Variants in KCNN2 observed in about 807,000 individuals in gnomAD.
KCNN2 encodes the protein small conductance calcium-activated potassium channel protein 2.
KCNN2 carries 24 observed loss-of-function variants against 55.5 expected under a neutral mutation model. The observed-to-expected ratio is 0.43, with a 90% CI of 0.31 to 0.61. The LOEUF (loss-of-function observed/expected upper bound fraction) is 0.61, where lower values mean the gene tolerates loss of function less well. Among genes scored for constraint, KCNN2 ranks in the 20% least tolerant of loss-of-function variants. The pLI, the probability that KCNN2 is intolerant of heterozygous loss-of-function variation, is 0.08. For synonymous variants in KCNN2, 431 were observed against 336.1 expected, an observed-to-expected ratio of 1.28 and a Z score of -3.09; for missense variants, 754 against 853.6, an observed-to-expected ratio of 0.88 and a Z score of 1.45.
rs143330186 is a variant in KCNN2 at position 114,275,632 on chromosome 5, T to C, written c.-185+54067T>C. 7.1e-3 allele frequency among the ~76,000 whole-genome samples: 1,083 copies of C among 152,336 alleles called. 25 individuals are homozygous for C. Among genetic ancestry groups the C allele is most frequent in the African/African-American group, 0.023 (975 of 41,570 alleles). ...TAGTTTATTTGCGTAGAGGTACTTA[T>C]AGTATTCTCTGATGGTAGTTTGTAT... On this transcript the variant is annotated intron_variant, in intron 2 of 10. Coordinates refer to the KCNN2 transcript ENST00000512097.
At chr5:114,410,746 A>G (rs898161116) in intron 3 of KCNN2, among the ~76,000 whole-genome samples, 11 of 152,248 alleles carry the variant, frequency 7.2e-5, no homozygotes, top group Middle Eastern at 3.4e-3. Flanking sequence ...AAACATTGTG[A>G]TAATATATAA....
chr5:114,251,490 A>G (rs868311454), intron 2 of KCNN2, among the ~76,000 whole-genome samples: 1 of 152,202 alleles, frequency 6.6e-6, no homozygotes, highest in Non-Finnish European at 1.5e-5. Flanking sequence ...AATATATAGT[A>G]TGGTCCCTGG....
chr5:114,411,773 C>T (rs1014908058), intron 3 of KCNN2, among the ~76,000 whole-genome samples: 2 of 152,186 alleles, frequency 1.3e-5, no homozygotes, highest in African/African-American at 4.8e-5. Flanking sequence ...GGATCTTCCT[C>T]ACTCAGTTCG....
chr5:114,283,635 AT>A (rs1227894752), intron 2 of KCNN2, among the ~76,000 whole-genome samples: 1 of 152,146 alleles, frequency 6.6e-6, no homozygotes, highest in Non-Finnish European at 1.5e-5. Flanking sequence ...TTGAGAAATT[AT>A]TTGTAGGAAA....
chr5:114,293,620 C>T (rs1755943506), intron 2 of KCNN2, among the ~76,000 whole-genome samples: 1 of 152,156 alleles, frequency 6.6e-6, no homozygotes, highest in African/African-American at 2.4e-5. Flanking sequence ...ATTTTTGCAT[C>T]AATGTTCTTC....
intron 1 of KCNN2, among the ~76,000 whole-genome samples, chr5:114,116,364 G>A (rs1336813300): frequency 6.6e-6 from 1 of 152,144 alleles, no homozygotes; most frequent in Non-Finnish European, 1.5e-5. Context: ...ACAAGTCATT[G>A]TAGAATTGGA....
chr5:114,385,026 G>A (rs180838007), intron 2 of KCNN2, among the ~76,000 whole-genome samples: 23 of 152,308 alleles, frequency 1.5e-4, no homozygotes, highest in Non-Finnish European at 2.9e-4. Flanking sequence ...TTTAATAAAT[G>A]TGGGATGAAT....
In KCNN2 at chr5:114,366,201, G is replaced by A. The variant is rs541150997; in HGVS notation, c.1218+2200G>A. The stretch of plus-strand genomic sequence containing the variant: ...TGCATATGCACATATATTTTGATTA[G>A]GGTATGTATTGCATGGGTGAGAAAA... On this transcript the variant is annotated intron_variant, in intron 2 of 7. Transcript: ENST00000673685. Among the ~76,000 whole-genome samples, 4 of 152,272 alleles carry A rather than the reference G, an allele frequency of 2.6e-5. No homozygotes were observed. In the East Asian group the frequency reaches 7.7e-4, roughly 29 times the overall value.
intron 2 of KCNN2, among the ~76,000 whole-genome samples, chr5:114,252,036 G>A (rs923547685): frequency 3.3e-5 from 5 of 151,190 alleles, no homozygotes; most frequent in African/African-American, 1.2e-4. Context: ...GCCCCACCAA[G>A]CCCGGCTAAT....
chr5:114,278,191 A>G (rs1322626348), intron 2 of KCNN2, among the ~76,000 whole-genome samples: 2 of 152,102 alleles, frequency 1.3e-5, no homozygotes, highest in Non-Finnish European at 2.9e-5. Flanking sequence ...AGAACAGCAA[A>G]TATTGCTGCC....
At chr5:114,271,217 G>A (rs866382439) in intron 2 of KCNN2, among the ~76,000 whole-genome samples, 25 of 152,172 alleles carry the variant, frequency 1.6e-4, no homozygotes, top group Middle Eastern at 6.8e-3. Flanking sequence ...TAGACACAGA[G>A]CACTGATTGG....
intron 6 of KCNN2, 118 bp from the exon 7 acceptor site, chr5:114,493,285 G>A: frequency 5.2e-6 from 4 of 768,140 alleles, no homozygotes; most frequent in South Asian, 4.2e-5. Flanking sequence ...TACCCCAAAT[G>A]TTCAAGGCAT....
At position 114,154,749 on chromosome 5, in the gene KCNN2, G is replaced by T. The variant is rs571631806; in HGVS notation, c.-270-66731G>T. 2.6e-5 allele frequency among the ~76,000 whole-genome samples: 4 copies of T among 152,102 alleles called. No homozygotes were observed. In the South Asian group the frequency reaches 8.3e-4, roughly 32 times the overall value. On this transcript the variant is annotated intron_variant, in intron 1 of 10. Transcript: ENST00000512097. ...ACTCTCTGGCCCTCATTTAAACATG[G>T]TATCTCTAGACCACCCCTCCTTCTG...
At chr5:114,140,399 A>G (rs1361180002) in intron 1 of KCNN2, among the ~76,000 whole-genome samples, 39 of 152,162 alleles carry the variant, frequency 2.6e-4, no homozygotes, top group Non-Finnish European at 2.9e-5. Context: ...GCTGTCTCTG[A>G]TCTGTTTACC....
intron 2 of KCNN2, among the ~76,000 whole-genome samples, chr5:114,294,205 C>T (rs149098312): frequency 0.07 from 10,551 of 151,622 alleles, 1,239 homozygotes; most frequent in African/African-American, 0.24. Flanking sequence ...AGTTCTGCTC[C>T]GATTTTAGTT....
chr5:114,430,418 G>A (rs1407256158), intron 3 of KCNN2, among the ~76,000 whole-genome samples: 2 of 151,840 alleles, frequency 1.3e-5, no homozygotes, highest in Non-Finnish European at 2.9e-5. Context: ...CTATTTCATT[G>A]CTGATACATA....
At chr5:114,342,181 G>A (rs962269905) in intron 2 of KCNN2, among the ~76,000 whole-genome samples, 8 of 150,686 alleles carry the variant, frequency 5.3e-5, no homozygotes, top group African/African-American at 1.5e-4. Context: ...GATTACAGGC[G>A]TGAACCACTG....
At chr5:114,158,640 G>A (rs1401962836) in intron 1 of KCNN2, among the ~76,000 whole-genome samples, 3 of 151,646 alleles carry the variant, frequency 2.0e-5, no homozygotes, top group Non-Finnish European at 4.4e-5. Flanking sequence ...CATGAGCATG[G>A]AATGTTCTTC....
At chr5:114,165,624 G>T (rs150472598) in intron 1 of KCNN2, among the ~76,000 whole-genome samples, 283 of 152,100 alleles carry the variant, frequency 1.9e-3, no homozygotes, top group African/African-American at 6.6e-3. Context: ...CTTATCCATG[G>T]CCTTATTGGT....
Sources: allele counts gnomAD v4.1 joint callset (sites outside exome capture counted in the v4.1 genomes callset), GRCh38; gene constraint gnomAD v4.1.1; transcripts MANE v1.5; gene names NCBI Gene and HGNC (gene_info 2026-07-23, HGNC 2026-07-21).